Variants in DNAH12 observed in about 807,000 individuals in gnomAD.
The protein encoded by DNAH12 is dynein axonemal heavy chain 12.
Under a neutral mutation model 371.5 loss-of-function variants are expected in DNAH12, and 285 were observed. The observed-to-expected ratio is 0.77, with a 90% confidence interval of 0.70 to 0.85. The LOEUF (loss-of-function observed/expected upper bound fraction) is 0.85. Among genes scored for constraint, DNAH12 ranks in the 40% least tolerant of loss-of-function variants. DNAH12 has a pLI of 0.00. For missense variants in DNAH12, 3,611 were observed against 3,689.4 expected (o/e 0.98, Z 0.55); for synonymous variants, 1,200 against 1,213.0 (o/e 0.99, Z 0.22).
At chr3:57,503,801 A>G (rs544329461) in intron 9 of DNAH12, among the ~76,000 whole-genome samples, 1 of 152,352 alleles carries the variant, frequency 6.6e-6, no homozygotes, top group Admixed American at 6.5e-5. Context: ...ATGCAAATAA[A>G]AAAATCAATT....
At chr3:57,365,800 A>G (rs2063037730) in intron 57 of DNAH12, among the ~76,000 whole-genome samples, 3 of 151,722 alleles carry the variant, frequency 2.0e-5, no homozygotes, top group African/African-American at 7.3e-5. Context: ...ATATAGTTTT[A>G]TATGCTGCTT....
intron 69 of DNAH12, among the ~76,000 whole-genome samples, chr3:57,308,569 G>A (rs62252006): frequency 0.23 from 35,019 of 151,866 alleles, 4,330 homozygotes; most frequent in African/African-American, 0.28. Flanking sequence ...TGTCATCCCT[G>A]CTATCTTGTC....
chr3:57,476,087 A>G (rs765428570), intron 13 of DNAH12, among the ~76,000 whole-genome samples: 2 of 152,256 alleles, frequency 1.3e-5, no homozygotes, highest in African/African-American at 2.4e-5. Context: ...CTAGACTGCA[A>G]TGAAAATCAG....
Position 57,405,891 on chromosome 3 carries a change from T to G in DNAH12, c.6338A>C (p.Asn2113Thr). Reference sequence around the variant, plus strand: ...GATGACGCGTGAAAAATCACGCAAGTTGAAAGTATAATGGGATTTTGTGGG... The same window carrying G: ...GATGACGCGTGAAAAATCACGCAAGGTGAAAGTATAATGGGATTTTGTGGG... ...PTPTKSHYTF[N>T]LRDFSRVIRG... Residue 2113 changes from asparagine (N) to threonine (T), a missense_variant, in exon 41 of 74, where the codon AAC becomes ACC. By Grantham distance (65) the Asn-to-Thr change is moderately conservative (BLOSUM62 0). This residue lies in a region of DNAH12 where 2,266 missense variants were observed against 2,236.9 expected (regional missense o/e 1.01). Coordinates refer to ENST00000495027, the MANE Select transcript of DNAH12 (RefSeq NM_001366028.2). 1 of 1,551,222 alleles carries G rather than the reference T, an allele frequency of 6.4e-7. No individual in the cohort carries two copies. The highest frequency in any genetic ancestry group is 8.7e-7 in the Non-Finnish European group (1 of 1,146,604).
At chr3:57,324,779 T>C (rs1176912848) in intron 62 of DNAH12, among the ~76,000 whole-genome samples, 1 of 152,198 alleles carries the variant, frequency 6.6e-6, no homozygotes, top group Non-Finnish European at 1.5e-5. Context: ...ATTGCCTCAC[T>C]CGGGAAGCGC....
chr3:57,529,963 C>A (rs1205032014), intron 2 of DNAH12, among the ~76,000 whole-genome samples: 6 of 152,056 alleles, frequency 3.9e-5, no homozygotes, highest in Admixed American at 3.3e-4. Context: ...AGAAAATTTT[C>A]AATTTCCTTC....
intron 43 of DNAH12, among the ~76,000 whole-genome samples, chr3:57,399,978 T>A (rs1343827121): frequency 2.6e-5 from 4 of 152,226 alleles, no homozygotes; most frequent in Non-Finnish European, 4.4e-5. Context: ...TTAGTAGTTA[T>A]GTTTTGGGGG....
At chr3:57,498,448 C>T (rs1011380043) in intron 11 of DNAH12, 1 of 708,230 alleles carries the variant, frequency 1.4e-6, no homozygotes, top group Non-Finnish European at 2.6e-6. Flanking sequence ...TCCTGAGTAG[C>T]TGAGACTACA....
chr3:57,301,871 T>C lies in DNAH12; in HGVS notation c.11258A>G (p.Asp3753Gly). Residue 3753 changes from aspartate to glycine, a missense_variant, in exon 70 of 74, where the codon GAT becomes GGT. Transcript: ENST00000495027. ...EKAIKGVVVM[D>G]SALEALSGSL... ...ACCGGAGAGTGCCTCCAATGCAGAA[T>C]CCATCACAACCACACCCTTAATAGC... is the stretch of plus-strand genomic sequence containing the variant. 7 of 1,551,624 alleles carry C rather than the reference T, an allele frequency of 4.5e-6. No homozygotes were observed. The highest frequency in any genetic ancestry group is 6.1e-6 in the Non-Finnish European group (7 of 1,146,972).
intron 22 of DNAH12, among the ~76,000 whole-genome samples, chr3:57,457,213 C>T (rs1341199786): frequency 6.6e-6 from 1 of 152,142 alleles, no homozygotes; most frequent in Non-Finnish European, 1.5e-5. Flanking sequence ...GATGGTGTTC[C>T]ATTGCATTTA....
At chr3:57,501,165 G>T (rs1412410540) in intron 11 of DNAH12, among the ~76,000 whole-genome samples, 156 bp downstream of exon 11, 1 of 152,148 alleles carries the variant, frequency 6.6e-6, no homozygotes, top group Non-Finnish European at 1.5e-5. Context: ...ATGAGTAAAT[G>T]AATGACTAAA....
intron 43 of DNAH12, among the ~76,000 whole-genome samples, chr3:57,401,875 C>T (rs1336460976): frequency 1.3e-5 from 2 of 151,972 alleles, no homozygotes; most frequent in Admixed American, 1.3e-4. Context: ...AATTGTATGC[C>T]AATAAATTGG....
At chr3:57,483,259 C>G in intron 13 of DNAH12, 117 bp downstream of exon 13, 1 of 1,258,320 alleles carries the variant, frequency 7.9e-7, no homozygotes, top group Non-Finnish European at 1.1e-6. Context: ...TAGGTGGTGG[C>G]AATATAACCG....
intron 20 of DNAH12, 75 bp downstream of exon 20, chr3:57,459,517 A>G: frequency 7.8e-7 from 1 of 1,282,420 alleles, no homozygotes. Flanking sequence ...TATAATCAGA[A>G]AAAAAGTCAC....
At chr3:57,513,470 A>G (rs1226291789) in intron 4 of DNAH12, among the ~76,000 whole-genome samples, 4 of 150,934 alleles carry the variant, frequency 2.7e-5, no homozygotes, top group African/African-American at 9.8e-5. Flanking sequence ...CGTTCTGCAC[A>G]TGTATCCCGG....
chr3:57,491,592 C>T (rs58184259), intron 11 of DNAH12, among the ~76,000 whole-genome samples: 27,692 of 151,912 alleles, frequency 0.18, 3,035 homozygotes, highest in African/African-American at 0.31. Flanking sequence ...CTCCTAACTA[C>T]TCCCCTGTCC....
intron 55 of DNAH12, among the ~76,000 whole-genome samples, chr3:57,371,941 C>CAAAAAAAAAAAAAAA (rs1169602185): frequency 0.02 from 516 of 25,704 alleles, 22 homozygotes; most frequent in Non-Finnish European, 0.029. Flanking sequence ...CTAAACTCAG[C>CAAAAAAAAAAAAAAA]AAAAAAAAAA....
chr3:57,352,072 G>C lies in DNAH12; in HGVS notation c.9674+13C>G. ...TAAAAATAAATAAATTATGGTAAAA[G>C]CAAGTAACTTACAGAAGAAGATTGG... On this transcript the variant is annotated intron_variant, in intron 60 of 73. Transcript: ENST00000495027. The C allele has an allele frequency of 1.3e-6, 2 of 1,498,512 alleles. No individual in the cohort carries two copies. The highest frequency in any genetic ancestry group is 1.8e-6 in the Non-Finnish European group (2 of 1,130,982). 92.8% of individuals were successfully genotyped at this position (1,498,512 alleles called of 1,614,324 possible). A position where few individuals can be genotyped will look rare whatever the true frequency, so the allele number is the denominator to read the frequency against.
chr3:57,464,965 C>T (rs1281246884), intron 17 of DNAH12, among the ~76,000 whole-genome samples: 6 of 152,140 alleles, frequency 3.9e-5, no homozygotes, highest in East Asian at 1.9e-4. Flanking sequence ...TTCTCTTTTC[C>T]GTCCCCTAGA....
Sources: allele counts gnomAD v4.1 joint callset (sites outside exome capture counted in the v4.1 genomes callset), GRCh38; gene constraint gnomAD v4.1.1; regional missense constraint gnomAD v4.1.1; transcripts MANE v1.5; gene names NCBI Gene and HGNC (gene_info 2026-07-23, HGNC 2026-07-21).